SLC43A3: variants seen among roughly 807,000 people sequenced by gnomAD.
SLC43A3 encodes the protein equilibrative nucleobase transporter 1.
A neutral mutation model predicts 53.3 loss-of-function variants in SLC43A3; 33 were observed. That is an observed-to-expected ratio of 0.62 (90% CI 0.47 to 0.83). SLC43A3 has a LOEUF of 0.83. SLC43A3 is among the 40% of genes least tolerant of loss of function. The pLI is 0.00. For synonymous variants in SLC43A3, 236 were observed against 246.2 expected, an observed-to-expected ratio of 0.96 and a Z score of 0.39; for missense variants, 530 against 610.0, an observed-to-expected ratio of 0.87 and a Z score of 1.38.
chr11:57,419,719 C>T (rs1942898051), intron 7 of SLC43A3, among the ~76,000 whole-genome samples: 1 of 151,816 alleles, frequency 6.6e-6, no homozygotes, highest in Admixed American at 6.6e-5. Flanking sequence ...TTGCTTAAAC[C>T]CACTAGGCAG....
chr11:57,409,975 A>C lies in SLC43A3; in HGVS notation c.1207T>G (p.Ser403Ala), dbSNP rs756337248. The C allele has an allele frequency of 4.3e-6, 7 of 1,613,264 alleles. No homozygotes were observed. Among genetic ancestry groups the C allele is most frequent in the Non-Finnish European group, 5.9e-6 (7 of 1,179,746 alleles). Reference protein sequence around the residue: ...LTFILQVISRSFLYGSNAAFL... With the variant: ...LTFILQVISRAFLYGSNAAFL... ...GCCGCGTTGCTCCCATAGAGGAAGG[A>C]GCGGCTGATCACTTGCAGGATGAAG... is the stretch of plus-strand genomic sequence containing the variant. Residue 403 changes from serine to alanine, a missense_variant, in exon 12 of 14, where the codon TCC (serine) becomes GCC (alanine). Around this residue, in one of 3 missense-constraint regions of SLC43A3, gnomAD observed 124 missense variants for 166.4 expected, o/e 0.75. Coordinates refer to ENST00000395124, the MANE Select transcript of SLC43A3 (RefSeq NM_199329.3).
chr11:57,416,581 G>A lies in SLC43A3; in HGVS notation c.761C>T (p.Ala254Val), dbSNP rs762938193. Residue 254 changes from alanine (A) to valine (V), a missense_variant, in exon 9 of 14, where the codon GCG becomes GTG. Physicochemically the swap from Ala to Val is moderately conservative, Grantham distance 64 (BLOSUM62 0). This residue lies in a region of SLC43A3 where 376 missense variants were observed against 386.7 expected (regional missense o/e 0.97). Coordinates refer to ENST00000395124, the MANE Select transcript of SLC43A3 (RefSeq NM_199329.3). ...RELQSKEFLS[A>V]KEETPGAGQK... ...TAGCCAGCAGGGCTCACCTTCCTTC[G>A]CTGAAAGGAACTCCTTTGACTGTAG... 5.0e-5 allele frequency: 80 copies of A among 1,612,988 alleles called. 1 individual carries two copies. In the East Asian group the frequency reaches 7.6e-4, roughly 15 times the overall value.
Position 57,415,085 on chromosome 11 carries a change from T to C in SLC43A3, c.791A>G (p.Lys264Arg), listed in dbSNP as rs1190708147. 3 of 1,612,348 alleles carry C rather than the reference T, an allele frequency of 1.9e-6. No individual in the cohort carries two copies. The highest frequency in any genetic ancestry group is 2.5e-6 in the Non-Finnish European group (3 of 1,178,978). Residue 264 changes from lysine (K) to arginine (R), a missense_variant, in exon 10 of 14, where the codon AAG becomes AGG. Physicochemically the swap from Lys to Arg is conservative, Grantham distance 26. Coordinates refer to ENST00000395124, the MANE Select transcript of SLC43A3 (RefSeq NM_199329.3). ...AKEETPGAGQ[K>R]QELRSFWSYA... is the part of the protein sequence containing the mutation. The stretch of plus-strand genomic sequence containing the variant: ...GCTCCAGAAGGAGCGGAGTTCCTGC[T>C]TCTGCCCTGCCCCTGGGGTCTCTAA...
In SLC43A3 at chr11:57,409,243, C is replaced by T; in HGVS notation, c.1303G>A (p.Val435Met). ...LFGLVMALSAVVSLLQFPIFT... is the reference protein window; with the variant it reads ...LFGLVMALSAMVSLLQFPIFT... ...ATGGGGAACTGGAGCAGAGACACCA[C>T]AGCCGACAAGGCCATCACCAGCCCA... The change falls in exon 13 of 14, where the codon GTG becomes ATG. Residue 435 changes from valine to methionine, a missense_variant. Coordinates refer to ENST00000395124, the MANE Select transcript of SLC43A3 (RefSeq NM_199329.3). 1.9e-6 allele frequency: 3 copies of T among 1,614,192 alleles called. No individual in the cohort carries two copies. Among genetic ancestry groups the T allele is most frequent in the Non-Finnish European group, 2.5e-6 (3 of 1,180,024 alleles).
chr11:57,426,237 A>G lies in SLC43A3; in HGVS notation c.-65T>C. 6.6e-7 allele frequency: 1 copy of G among 1,515,596 alleles called. No homozygotes were observed. Among genetic ancestry groups the G allele is most frequent in the African/African-American group, 1.4e-5 (1 of 72,450 alleles). The allele number at this position is 1,515,596 out of a possible 1,614,324, so 93.9% of individuals were successfully genotyped here. The stretch of plus-strand genomic sequence containing the variant: ...TCCTGGACGGATCACAGGCGCCGTA[A>G]GCCTGGCGTTTGAGCACTTGGAAAA... On this transcript the variant is annotated 5_prime_UTR_variant, in exon 3 of 14. Transcript: ENST00000395124.
chr11:57,419,483 T>G (rs148311260), intron 7 of SLC43A3, among the ~76,000 whole-genome samples: 11 of 152,294 alleles, frequency 7.2e-5, no homozygotes, highest in African/African-American at 2.2e-4. Context: ...TCCTGCTCCC[T>G]TTCCCCTTCC....
In SLC43A3 at chr11:57,407,842, C is replaced by T. The variant is rs764729526; in HGVS notation, c.1426G>A (p.Val476Ile). 4.3e-6 allele frequency: 7 copies of T among 1,613,690 alleles called. No individual in the cohort carries two copies. The South Asian group carries it at 5.5e-5, about 13-fold the overall frequency. The stretch of plus-strand genomic sequence containing the variant: ...TTCCAAGTACGGCATTCCCGATATA[C>T]CAGAAAGGGGTGGAAGAATGTCAGA... ...ILLTFFHPFL[V>I]YRECRTWKES... The change falls in exon 14 of 14, where the codon GTA (valine) becomes ATA (isoleucine). Residue 476 changes from valine to isoleucine, a missense_variant. Physicochemically the swap from Val to Ile is conservative, Grantham distance 29. Coordinates refer to ENST00000395124, the MANE Select transcript of SLC43A3 (RefSeq NM_199329.3).
At chr11:57,409,876 C>A in intron 12 of SLC43A3, 59 bp downstream of exon 12, 1 of 1,482,104 alleles carries the variant, frequency 6.7e-7, no homozygotes, top group Non-Finnish European at 9.0e-7. Flanking sequence ...TTCTTTACCT[C>A]CAGCTTCTCT....
At position 57,426,330 on chromosome 11, in the gene SLC43A3, A is replaced by T; in HGVS notation, c.-158T>A. The T allele has an allele frequency of 6.3e-6, 4 of 635,806 alleles. No homozygotes were observed. The highest frequency in any genetic ancestry group is 1.1e-5 in the Non-Finnish European group (4 of 370,138). 39.4% of individuals were successfully genotyped at this position (635,806 alleles called of 1,614,324 possible). On this transcript the variant is annotated 5_prime_UTR_variant, in exon 3 of 14. An upstream start codon of the reference 5' UTR is lost. Coordinates refer to ENST00000395124, the MANE Select transcript of SLC43A3 (RefSeq NM_199329.3). ...GTTGTTTCAGGCCTGGGCAAAAACC[A>T]TCAGCGGGTGATTCTCTGGATCCTG... is the stretch of plus-strand genomic sequence containing the variant.
intron 8 of SLC43A3, 144 bp downstream of exon 8, chr11:57,417,604 T>G: frequency 1.0e-6 from 1 of 960,822 alleles, no homozygotes; most frequent in Non-Finnish European, 1.5e-6. Context: ...CTGCTGAGTT[T>G]TGAGATAGTT....
Position 57,416,592 on chromosome 11 carries a change from C to T in SLC43A3, c.750G>A (p.Glu250=), listed in dbSNP as rs150620585. 2.5e-4 allele frequency: 402 copies of T among 1,614,076 alleles called. No individual in the cohort carries two copies. The East Asian group carries it at 4.1e-3, about 16-fold the overall frequency. ...EHENRELQSK[E]FLSAKEETPG... is the part of the protein sequence containing the mutation. ...GCTCACCTTCCTTCGCTGAAAGGAA[C>T]TCCTTTGACTGTAGCTCCCTGTTTT... Residue 250 remains glutamate (E), a synonymous_variant, in exon 9 of 14, where the codon GAG becomes GAA. Coordinates refer to ENST00000395124, the MANE Select transcript of SLC43A3 (RefSeq NM_199329.3).
intron 7 of SLC43A3, among the ~76,000 whole-genome samples, chr11:57,420,697 C>T (rs1277696719): frequency 1.3e-5 from 2 of 152,222 alleles, no homozygotes; most frequent in East Asian, 3.9e-4. Context: ...TGACCACTGC[C>T]ACAAAAGCTT....
chr11:57,413,061 C>CAAAAAAAAAAAAAAAAAA (rs1190635755), intron 11 of SLC43A3, among the ~76,000 whole-genome samples: 1 of 76,278 alleles, frequency 1.3e-5, no homozygotes, highest in Non-Finnish European at 2.8e-5. Flanking sequence ...TTATTCACGG[C>CAAAAAAAAAAAAAAAAAA]AAAAAAAAAA....
chr11:57,422,927 G>C lies in SLC43A3; in HGVS notation c.361+1055C>G, dbSNP rs182825419. ...TCTGTGTTTGCCCAGCATGAGTGCAGACAATCTCATGATGCTGTCAGCTTT... is the reference window on the plus strand; with the variant it reads ...TCTGTGTTTGCCCAGCATGAGTGCACACAATCTCATGATGCTGTCAGCTTT... On this transcript the variant is annotated intron_variant, in intron 5 of 13. Transcript: ENST00000395124. Among the ~76,000 whole-genome samples, 383 of 152,336 alleles carry C rather than the reference G, an allele frequency of 2.5e-3. 2 individuals are homozygous for C. The highest frequency in any genetic ancestry group is 8.8e-3 in the African/African-American group (366 of 41,554).
intron 13 of SLC43A3, chr11:57,408,272 A>C: frequency 5.2e-6 from 1 of 193,166 alleles, no homozygotes. Context: ...TTTCAAGTTT[A>C]CTCTTTTGGC....
Position 57,407,665 on chromosome 11 carries a change from T to G in SLC43A3, c.*127A>C, listed in dbSNP as rs570125152. 2.6e-4 allele frequency: 150 copies of G among 566,684 alleles called. No individual in the cohort carries two copies. Among genetic ancestry groups the G allele is most frequent in the African/African-American group, 1.7e-3 (90 of 52,754 alleles). 35.1% of individuals were successfully genotyped at this position (566,684 alleles called of 1,614,324 possible). On this transcript the variant is annotated 3_prime_UTR_variant, in exon 14 of 14. Transcript: ENST00000395124. ...GCAGACGTCCTTGTGTGTCTTTATT[T>G]TGTGTGTGTGTGTGTGTGTGTGTGT... is the stretch of plus-strand genomic sequence containing the variant.
chr11:57,412,787 A>G (rs1291132813), intron 11 of SLC43A3, among the ~76,000 whole-genome samples: 1 of 151,922 alleles, frequency 6.6e-6, no homozygotes, highest in Non-Finnish European at 1.5e-5. Context: ...CAGCCTAGGC[A>G]ACACAGTGAG....
chr11:57,417,724 C>T, intron 8 of SLC43A3, 24 bp downstream of exon 8: 1 of 1,613,516 alleles, frequency 6.2e-7, no homozygotes, highest in Non-Finnish European at 8.5e-7. Context: ...GGGCTCTGGC[C>T]CACAATCACC....
intron 5 of SLC43A3, chr11:57,423,717 A>C (rs143668857): frequency 2.7e-6 from 1 of 377,198 alleles, no homozygotes; most frequent in East Asian, 4.3e-5. Flanking sequence ...GGAGTGAGCC[A>C]CTGCACCTGG....
Sources: allele counts gnomAD v4.1 joint callset (sites outside exome capture counted in the v4.1 genomes callset), GRCh38; gene constraint gnomAD v4.1.1; regional missense constraint gnomAD v4.1.1; transcripts MANE v1.5; gene names NCBI Gene and HGNC (gene_info 2026-07-23, HGNC 2026-07-21).